CAMTA1: variants seen among roughly 807,000 people sequenced by gnomAD.
The protein encoded by CAMTA1 is calmodulin-binding transcription activator 1.
CAMTA1 carries 27 observed loss-of-function variants against 170.9 expected under a neutral mutation model. That is an observed-to-expected ratio of 0.16 (90% confidence interval 0.12 to 0.22). CAMTA1 has a LOEUF of 0.22. Among genes scored for constraint, CAMTA1 ranks in the 10% least tolerant of loss-of-function variants. CAMTA1 has a pLI of 1.00. For missense variants in CAMTA1, 1,619 were observed against 2,217.2 expected (o/e 0.73, Z 5.42); for synonymous variants, 833 against 891.5 (o/e 0.93, Z 1.17).
chr1:7,584,373 G>GC (rs2095290214), intron 6 of CAMTA1, among the ~76,000 whole-genome samples: 1 of 152,028 alleles, frequency 6.6e-6, no homozygotes, highest in African/African-American at 2.4e-5. Flanking sequence ...CTCGGATTAG[G>GC]CCTGCAGGCA....
At position 7,629,635 on chromosome 1, in the gene CAMTA1, A is replaced by G. The variant is rs1322953400; in HGVS notation, c.511-10765A>G. The stretch of plus-strand genomic sequence containing the variant: ...CGAATCACATTTCCTCTCCACTGTT[A>G]TCTTTCTGGACCGGAAAGCCCTTAT... On this transcript the variant is annotated intron_variant, in intron 6 of 22. Transcript: ENST00000303635. Among the ~76,000 whole-genome samples the G allele has an allele frequency of 5.9e-5, 9 of 152,218 alleles. No individual in the cohort carries two copies. The South Asian group carries it at 1.0e-3, about 18-fold the overall frequency.
intron 1 of CAMTA1, among the ~76,000 whole-genome samples, chr1:6,796,132 CTTTTTTTTTTTTTTTTTT>C (rs978363793): frequency 9.9e-5 from 7 of 70,950 alleles, no homozygotes; most frequent in Admixed American, 5.2e-4. Flanking sequence ...AATAGCATTT[CTTTTTTTTTTTTTTTTTT>C]TTTTTTTTGG....
intron 3 of CAMTA1, chr1:6,871,635 A>G: frequency 1.3e-6 from 1 of 747,898 alleles, no homozygotes; most frequent in Admixed American, 3.4e-5. Context: ...GTATGTAAAT[A>G]AAAATGGCTC....
rs1302181611 is a variant in CAMTA1 at position 7,499,602 on chromosome 1, A to G, written c.510+31701A>G. Among the ~76,000 whole-genome samples the G allele has an allele frequency of 2.4e-5, 3 of 127,594 alleles. 1 individual carries two copies. Among genetic ancestry groups the G allele is most frequent in the Non-Finnish European group, 3.2e-5 (2 of 62,532 alleles). The allele number at this position is 127,594 out of a possible 152,430, so 83.7% of individuals were successfully genotyped here. A position where few individuals can be genotyped will look rare whatever the true frequency, so the allele number is the denominator to read the frequency against. ...GAGCCTGGCGTGAGTGCGTATGTAT[A>G]TGAGTGTGTGTGTGCATGAGTGAGT... On this transcript the variant is annotated intron_variant, in intron 6 of 22. Transcript: ENST00000303635.
intron 4 of CAMTA1, among the ~76,000 whole-genome samples, chr1:7,114,659 G>C (rs1307336991): frequency 6.6e-6 from 1 of 152,248 alleles, no homozygotes; most frequent in Non-Finnish European, 1.5e-5. Context: ...CAGTCAGCAA[G>C]GTGGAGACCC....
chr1:7,678,758 G>A (rs2096151818), intron 11 of CAMTA1, among the ~76,000 whole-genome samples: 2 of 152,154 alleles, frequency 1.3e-5, no homozygotes, highest in East Asian at 1.9e-4. Flanking sequence ...TTGAGGTCTG[G>A]GCTAAGCTGA....
chr1:7,663,789 C>T lies in CAMTA1; in HGVS notation c.1242C>T (p.Pro414=), dbSNP rs773838742. ...ATGAGGCCGTGTACACCATGTCCCC[C>T]ACCGCTGGCCCCAACCACCACCTCC... ...VTNEAVYTMS[P]TAGPNHHLLS... is the part of the protein sequence containing the mutation. The change falls in exon 9 of 23, where the codon CCC becomes CCT. Residue 414 remains proline, a synonymous_variant. Transcript: ENST00000303635. 1 of 1,614,150 alleles carries T rather than the reference C, an allele frequency of 6.2e-7. No individual in the cohort carries two copies. The highest frequency in any genetic ancestry group is 8.5e-7 in the Non-Finnish European group (1 of 1,180,034).
chr1:7,544,151 C>T (rs2150125978), intron 6 of CAMTA1, among the ~76,000 whole-genome samples: 1 of 152,298 alleles, frequency 6.6e-6, no homozygotes, highest in Non-Finnish European at 1.5e-5. Context: ...TTCCACATGG[C>T]TGGGGAGGCC....
At chr1:7,091,217 C>A in intron 3 of CAMTA1, 87 bp from the exon 4 acceptor site, 7 of 855,940 alleles carry the variant, frequency 8.2e-6, no homozygotes, top group Non-Finnish European at 1.4e-5. Context: ...ATGAAAACAG[C>A]AGCTGGGAAA....
At chr1:7,246,046 T>C (rs1439360289) in intron 4 of CAMTA1, among the ~76,000 whole-genome samples, 1 of 152,094 alleles carries the variant, frequency 6.6e-6, no homozygotes, top group Non-Finnish European at 1.5e-5. Context: ...AAGCCTGGGA[T>C]TCACCCATGA....
chr1:6,937,471 CCAT>C (rs1401070660), intron 3 of CAMTA1, among the ~76,000 whole-genome samples: 12 of 147,328 alleles, frequency 8.1e-5, no homozygotes, highest in East Asian at 2.2e-4. Flanking sequence ...CTTACCACCA[CCAT>C]CATCACCATC....
intron 3 of CAMTA1, among the ~76,000 whole-genome samples, chr1:6,919,681 G>A (rs1036390383): frequency 2.0e-5 from 3 of 152,180 alleles, no homozygotes; most frequent in Non-Finnish European, 4.4e-5. Flanking sequence ...AAAGAAAGAG[G>A]TTTAATTGGA....
chr1:7,536,678 A>G (rs1032936342), intron 6 of CAMTA1, among the ~76,000 whole-genome samples: 4 of 152,134 alleles, frequency 2.6e-5, no homozygotes, highest in African/African-American at 7.2e-5. Context: ...GGCTGCCTCC[A>G]TGGTGCACTG....
At chr1:7,733,055 AG>A (rs1034473780) in intron 12 of CAMTA1, among the ~76,000 whole-genome samples, 27 of 152,108 alleles carry the variant, frequency 1.8e-4, no homozygotes, top group Non-Finnish European at 2.8e-4. Context: ...TTTTTTAATT[AG>A]CCAGGCGTGG....
rs2150147728 is a variant in CAMTA1 at position 7,547,548 on chromosome 1, C to A, written c.510+79647C>A. ...ATAAGAAATATTTACATAGCATTTA[C>A]ATTGTTACTAGGTATTATAAGTAAT... On this transcript the variant is annotated intron_variant, in intron 6 of 22. Transcript: ENST00000303635. This position sits in a 1 kb window ranked among gnomAD's most constrained non-coding sequence, Gnocchi z 5.7. Among the ~76,000 whole-genome samples, 1 of 152,192 alleles carries A rather than the reference C, an allele frequency of 6.6e-6. No homozygotes were observed. The highest frequency in any genetic ancestry group is 2.1e-4 in the South Asian group (1 of 4,818).
chr1:7,417,653 C>T (rs1460021021), intron 5 of CAMTA1, among the ~76,000 whole-genome samples: 2 of 152,170 alleles, frequency 1.3e-5, no homozygotes, highest in African/African-American at 4.8e-5. Context: ...GGGAGTGACC[C>T]AATTTTCCAG....
intron 5 of CAMTA1, among the ~76,000 whole-genome samples, chr1:7,350,567 G>C (rs999484800): frequency 1.3e-5 from 2 of 152,198 alleles, no homozygotes; most frequent in African/African-American, 4.8e-5. Context: ...GGAGCCACTT[G>C]TTTAGCCTGT....
intron 3 of CAMTA1, among the ~76,000 whole-genome samples, chr1:6,935,981 G>A (rs377349650): frequency 1.3e-5 from 2 of 152,196 alleles, no homozygotes; most frequent in Non-Finnish European, 2.9e-5. Flanking sequence ...TTTGTGACTC[G>A]AGGCTGTCGG....
At chr1:7,172,553 G>T (rs891971137) in intron 4 of CAMTA1, among the ~76,000 whole-genome samples, 4 of 152,194 alleles carry the variant, frequency 2.6e-5, no homozygotes, top group African/African-American at 9.7e-5. Context: ...GTCACCAAAG[G>T]GGGCAGGGCA....
Sources: gnomAD v4.1 joint callset for allele counts (sites outside exome capture counted in the v4.1 genomes callset) on GRCh38, gnomAD v4.1.1 for gene constraint, Gnocchi (gnomAD v3.1) non-coding constraint, MANE v1.5 for transcripts, NCBI Gene and HGNC (gene_info 2026-07-23, HGNC 2026-07-21) for gene names.